The following GZMM variants were observed in gnomAD, a reference collection of about 807,000 sequenced individuals.
GZMM encodes the protein granzyme M, also known as HU-Met-1.
GZMM carries 23 observed loss-of-function variants against 19.2 expected under a neutral mutation model. That is an observed-to-expected ratio of 1.20 (90% CI 0.86 to 1.69). GZMM has a LOEUF of 1.69. GZMM is among the 40% of genes most tolerant of loss of function. GZMM has a pLI of 0.00. For synonymous variants in GZMM, 178 were observed against 160.2 expected (o/e 1.11, Z -0.84); for missense variants, 373 against 352.2 (o/e 1.06, Z -0.47).
At chr19:546,641 C>T (rs1980292956) in intron 1 of GZMM, among the ~76,000 whole-genome samples, 1 of 151,356 alleles carries the variant, frequency 6.6e-6, no homozygotes, top group Non-Finnish European at 1.5e-5. Flanking sequence ...AGTTCGAGAC[C>T]AGCCTGGCTA....
At position 549,740 on chromosome 19, in the gene GZMM, T is replaced by G; in HGVS notation, c.723T>G (p.Ala241=). 6.2e-7 allele frequency: 1 copy of G among 1,613,684 alleles called. No homozygotes were observed. Among genetic ancestry groups the G allele is most frequent in the South Asian group, 1.1e-5 (1 of 91,088 alleles). ...TCTTCAAGCCTCCCGTGGCCACCGC[T>G]GTGGCGCCTTACGTGTCCTGGATCA... The part of the protein sequence containing the change: ...TDIFKPPVAT[A]VAPYVSWIRK... Residue 241 remains alanine (A), a synonymous_variant, in exon 5 of 5, where the codon GCT becomes GCG. Transcript: ENST00000264553.
chr19:548,381 G>A (rs1205892915), intron 2 of GZMM, among the ~76,000 whole-genome samples, 161 bp from the exon 3 acceptor site: 1 of 152,154 alleles, frequency 6.6e-6, no homozygotes, highest in Non-Finnish European at 1.5e-5. Flanking sequence ...GAGGAGGTGG[G>A]TTGCAAAGAC....
At chr19:548,817 A>G (rs1600443121) in intron 3 of GZMM, 105 bp from the exon 4 acceptor site, 1 of 150,720 alleles carries the variant, frequency 6.6e-6, no homozygotes, top group Non-Finnish European at 1.2e-5. Context: ...CCCCTCCCCC[A>G]TTGCCCACCC....
At position 547,160 on chromosome 19, in the gene GZMM, G is replaced by A. The variant is rs188296189; in HGVS notation, c.56-120G>A. On this transcript the variant is annotated intron_variant, in intron 1 of 4. Coordinates refer to ENST00000264553, the MANE Select transcript of GZMM (RefSeq NM_005317.4). ...CCTAAAAGTTTCGGGGAACACTGGG[G>A]ACTTCATTAGGATGGCACATCTGCT... 2.9e-3 allele frequency: 2,639 copies of A among 896,288 alleles called. 12 individuals are homozygous for A. The highest frequency in any genetic ancestry group is 3.0e-3 in the Non-Finnish European group (1,885 of 626,366). 55.5% of individuals were successfully genotyped at this position (896,288 alleles called of 1,614,324 possible).
Position 549,123 on chromosome 19 carries a change from G to T in GZMM, c.550G>T (p.Gly184Cys), listed in dbSNP as rs776915808. ...GTGTAACAACAGCCGCTTCTGGAAC[G>T]GCAGCCTCTCCCCCAGCATGGTCTG... ...RMCNNSRFWN[G>C]SLSPSMVCLA... Residue 184 changes from glycine (G) to cysteine (C), a missense_variant, in exon 4 of 5, where the codon GGC becomes TGC. By Grantham distance (159) the Gly-to-Cys change is radical. Transcript: ENST00000264553. 1.3e-6 allele frequency: 2 copies of T among 1,580,730 alleles called. No individual in the cohort carries two copies. Among genetic ancestry groups the T allele is most frequent in the Admixed American group, 1.8e-5 (1 of 54,696 alleles).
Position 547,467 on chromosome 19 carries a change from T to C in GZMM, c.212+31T>C, listed in dbSNP as rs199725777. 2.0e-4 allele frequency: 263 copies of C among 1,344,642 alleles called. 2 individuals are homozygous for C. The African/African-American group carries it at 3.7e-3, about 19-fold the overall frequency. 83.3% of individuals were successfully genotyped at this position (1,344,642 alleles called of 1,614,324 possible). ...TACCCTGCCCTGCCCACCCCAGGGG[T>C]CCGGGGAATCCATCCGACGGCGCCC... On this transcript the variant is annotated intron_variant, in intron 2 of 4. Transcript: ENST00000264553.
intron 1 of GZMM, among the ~76,000 whole-genome samples, chr19:546,556 A>C (rs1980289822): frequency 7.1e-6 from 1 of 141,476 alleles, no homozygotes; most frequent in African/African-American, 2.6e-5. Context: ...AAAAAAAAAA[A>C]TGGCCAGGTG....
chr19:549,667 G>A lies in GZMM; in HGVS notation c.650G>A (p.Arg217Gln), dbSNP rs59539774. ...SGGPLVCGKG[R>Q]VLARVLSFSS... ...GGGCCCCTGGTGTGTGGCAAAGGCC[G>A]GGTGTTGGCCAGAGTCCTGTCCTTC... Residue 217 changes from arginine (R) to glutamine (Q), a missense_variant, in exon 5 of 5, where the codon CGG becomes CAG. Transcript: ENST00000264553. 14,606 of 1,613,590 alleles carry A rather than the reference G, an allele frequency of 9.1e-3. 419 individuals carry two copies. Among genetic ancestry groups the A allele is most frequent in the African/African-American group, 0.068 (5,139 of 75,036 alleles).
intron 1 of GZMM, 78 bp from the exon 2 acceptor site, chr19:547,202 T>C: frequency 7.5e-7 from 1 of 1,340,892 alleles, no homozygotes; most frequent in Non-Finnish European, 9.8e-7. Context: ...CCTGGGCCTC[T>C]GAGCTGGGCA....
In GZMM at chr19:547,156, T is replaced by C. The variant is rs1980315956; in HGVS notation, c.56-124T>C. Reference sequence around the variant, plus strand: ...TCAGCCTAAAAGTTTCGGGGAACACTGGGGACTTCATTAGGATGGCACATC... The same window carrying C: ...TCAGCCTAAAAGTTTCGGGGAACACCGGGGACTTCATTAGGATGGCACATC... On this transcript the variant is annotated intron_variant, in intron 1 of 4. Transcript: ENST00000264553. 7 of 863,982 alleles carry C rather than the reference T, an allele frequency of 8.1e-6. No individual in the cohort carries two copies. The East Asian group carries it at 2.1e-4, about 26-fold the overall frequency. The allele number at this position is 863,982 out of a possible 1,614,324, so 53.5% of individuals were successfully genotyped here. A position where few individuals can be genotyped will look rare whatever the true frequency, so the allele number is the denominator to read the frequency against.
In GZMM at chr19:547,358, G is replaced by T; in HGVS notation, c.134G>T (p.Arg45Ile). 6.3e-7 allele frequency: 1 copy of T among 1,576,180 alleles called. No homozygotes were observed. Among genetic ancestry groups the T allele is most frequent in the Non-Finnish European group, 8.6e-7 (1 of 1,162,984 alleles). Residue 45 changes from arginine to isoleucine, a missense_variant, in exon 2 of 5, where the codon AGA (arginine) becomes ATA (isoleucine). By Grantham distance (97) the Arg-to-Ile change is moderately conservative. Transcript: ENST00000264553. ...HSRPYMASLQ[R>I]NGSHLCGGVL... ...CGCCCGTACATGGCCTCACTGCAGA[G>T]AAATGGCTCCCACCTGTGCGGGGGT...
Position 548,643 on chromosome 19 carries a change from T to C in GZMM, c.314T>C (p.Val105Ala). 2 of 1,613,360 alleles carry C rather than the reference T, an allele frequency of 1.2e-6. No homozygotes were observed. The highest frequency in any genetic ancestry group is 1.3e-5 in the African/African-American group (1 of 74,930). ...AAIQHPRYKPVPALENDLALL... is the reference protein window; with the variant it reads ...AAIQHPRYKPAPALENDLALL... Reference sequence around the variant, plus strand: ...ATCCAGCACCCTCGCTACAAGCCCGTCCCTGCCCTGGAGAACGACCTCGCG... The same window carrying C: ...ATCCAGCACCCTCGCTACAAGCCCGCCCCTGCCCTGGAGAACGACCTCGCG... Residue 105 changes from valine to alanine, a missense_variant, in exon 3 of 5, where the codon GTC becomes GCC. Coordinates refer to ENST00000264553, the MANE Select transcript of GZMM (RefSeq NM_005317.4).
intron 1 of GZMM, 87 bp from the exon 2 acceptor site, chr19:547,193 C>T: frequency 1.6e-6 from 2 of 1,271,250 alleles, no homozygotes; most frequent in Non-Finnish European, 1.0e-6. Flanking sequence ...GCTTGGGGTC[C>T]TGGGCCTCTG....
chr19:547,565 TAGGC>T (rs1980338561), intron 2 of GZMM, 129 bp downstream of exon 2: 1 of 674,364 alleles, frequency 1.5e-6, no homozygotes, highest in Non-Finnish European at 2.1e-6. Flanking sequence ...GGTGACGACT[TAGGC>T]AGGTTTAAGT....
Position 547,294 on chromosome 19 carries a change from A to T in GZMM, c.70A>T (p.Thr24Ser). ...GALSVGSSFGTQIIGGREVIP... is the reference protein window; with the variant it reads ...GALSVGSSFGSQIIGGREVIP... ...CATCCTGGCAGGCAGCTCCTTTGGG[A>T]CCCAGATCATCGGGGGCCGGGAGGT... The change falls in exon 2 of 5, where the codon ACC becomes TCC. Residue 24 changes from threonine to serine, a missense_variant. By Grantham distance (58) the Thr-to-Ser change is moderately conservative. Coordinates refer to ENST00000264553, the MANE Select transcript of GZMM (RefSeq NM_005317.4). The T allele has an allele frequency of 1.9e-6, 3 of 1,540,168 alleles. No individual in the cohort carries two copies. Among genetic ancestry groups the T allele is most frequent in the Non-Finnish European group, 2.6e-6 (3 of 1,144,716 alleles).
chr19:547,305 CG>C lies in GZMM; in HGVS notation c.86del (p.Gly29AlafsTer4). The C allele has an allele frequency of 2.6e-6, 4 of 1,553,146 alleles. No homozygotes were observed. The highest frequency in any genetic ancestry group is 2.5e-5 in the East Asian group (1 of 40,242). ...VGSSFGTQII[G>X]GREVIPHSRP... Reference sequence around the variant, plus strand: ...GCAGCTCCTTTGGGACCCAGATCATCGGGGGCCGGGAGGTGATCCCCCACTC... The same window carrying C: ...GCAGCTCCTTTGGGACCCAGATCATCGGGGCCGGGAGGTGATCCCCCACTC... On this transcript the variant is annotated frameshift_variant, in exon 2 of 5. Transcript: ENST00000264553. LOFTEE classifies it high-confidence loss of function.
intron 2 of GZMM, 82 bp from the exon 3 acceptor site, chr19:548,460 G>T: frequency 7.1e-7 from 1 of 1,410,320 alleles, no homozygotes; most frequent in East Asian, 2.3e-5. Context: ...ATGGACAACG[G>T]GCACAGTGGG....
chr19:547,157 G>T, intron 1 of GZMM, 123 bp from the exon 2 acceptor site: 1 of 869,806 alleles, frequency 1.1e-6, no homozygotes, highest in South Asian at 2.2e-5. Flanking sequence ...GGGGAACACT[G>T]GGGACTTCAT....
intron 1 of GZMM, among the ~76,000 whole-genome samples, chr19:546,614 TG>T (rs1980291850): frequency 6.9e-6 from 1 of 145,432 alleles, no homozygotes; most frequent in African/African-American, 2.5e-5. Flanking sequence ...CTGAGATGGG[TG>T]GATCACAAGG....
Sources: allele counts gnomAD v4.1 joint callset (sites outside exome capture counted in the v4.1 genomes callset), GRCh38; gene constraint gnomAD v4.1.1; transcripts MANE v1.5; gene names NCBI Gene and HGNC (gene_info 2026-07-23, HGNC 2026-07-21).